The following MGMT variants were observed in gnomAD, a reference collection of about 807,000 sequenced individuals.
The protein encoded by MGMT is O-6-methylguanine-DNA methyltransferase, also known as methylated-DNA--protein-cysteine methyltransferase.
A neutral mutation model predicts 15.9 loss-of-function variants in MGMT; 14 were observed. That is an observed-to-expected ratio of 0.88 (90% CI 0.58 to 1.37). The LOEUF (loss-of-function observed/expected upper bound fraction) is 1.37, where lower values mean the gene tolerates loss of function less well. Among genes scored for constraint, MGMT ranks in the 40% most tolerant of loss-of-function variants. MGMT has a pLI of 0.00. For missense variants in MGMT, 282 were observed against 268.1 expected (o/e 1.05, Z -0.36); for synonymous variants, 130 against 118.2 (o/e 1.10, Z -0.65).
intron 2 of MGMT, among the ~76,000 whole-genome samples, chr10:129,571,780 C>T (rs1387458434): frequency 6.6e-6 from 1 of 152,020 alleles, no homozygotes; most frequent in Non-Finnish European, 1.5e-5. Flanking sequence ...ATTTGCTGGT[C>T]ATAATATGAA....
chr10:129,739,331 G>C (rs1343730073), intron 3 of MGMT, among the ~76,000 whole-genome samples: 1 of 152,108 alleles, frequency 6.6e-6, no homozygotes, highest in Non-Finnish European at 1.5e-5. Context: ...AGAAATAAAG[G>C]GTATTCAATT....
At chr10:129,552,747 C>T (rs1039216595) in intron 2 of MGMT, among the ~76,000 whole-genome samples, 2 of 152,242 alleles carry the variant, frequency 1.3e-5, no homozygotes, top group South Asian at 4.1e-4. Flanking sequence ...CGGTCCCCTT[C>T]TGCTGATGTC....
chr10:129,549,881 T>C (rs1200417302), intron 2 of MGMT, among the ~76,000 whole-genome samples: 1 of 152,192 alleles, frequency 6.6e-6, no homozygotes, highest in African/African-American at 2.4e-5. Context: ...TAAAATCCAT[T>C]TACAGTTTAT....
At position 129,756,703 on chromosome 10, in the gene MGMT, C is replaced by T. The variant is rs558378300; in HGVS notation, c.275-2499C>T. ...TAGGATGGTCTTGAACTCCTGACCT[C>T]GTGATCCGCCCGCCTCGGCCTCCCA... is the stretch of plus-strand genomic sequence containing the variant. On this transcript the variant is annotated intron_variant, in intron 3 of 4. Coordinates refer to ENST00000651593, the MANE Select transcript of MGMT (RefSeq NM_002412.5). 9.2e-5 allele frequency among the ~76,000 whole-genome samples: 14 copies of T among 152,188 alleles called. No homozygotes were observed. In the South Asian group the frequency reaches 1.9e-3, roughly 20 times the overall value.
chr10:129,731,172 G>T (rs7898151), intron 3 of MGMT, among the ~76,000 whole-genome samples: 3 of 151,800 alleles, frequency 2.0e-5, no homozygotes, highest in Non-Finnish European at 4.4e-5. Context: ...GGAGCCTACC[G>T]GGGCATTCCT....
At chr10:129,706,465 C>T (rs998455069) in intron 2 of MGMT, among the ~76,000 whole-genome samples, 3 of 152,140 alleles carry the variant, frequency 2.0e-5, no homozygotes, top group South Asian at 4.1e-4. Flanking sequence ...GAAGGGCCCG[C>T]GGGAGCTGTG....
chr10:129,527,299 G>GC (rs141188743), intron 1 of MGMT, among the ~76,000 whole-genome samples: 9,720 of 152,018 alleles, frequency 0.064, 448 homozygotes, highest in African/African-American at 0.12. Context: ...AGCTTTTGGA[G>GC]CCCCCCTTAG....
At chr10:129,494,527 G>A (rs1046746857) in intron 1 of MGMT, among the ~76,000 whole-genome samples, 3 of 152,210 alleles carry the variant, frequency 2.0e-5, no homozygotes, top group African/African-American at 7.2e-5. Context: ...ATTGGCCAGG[G>A]CTTTCCAACA....
At chr10:129,619,341 G>GTA (rs1267686688) in intron 2 of MGMT, among the ~76,000 whole-genome samples, 2 of 151,934 alleles carry the variant, frequency 1.3e-5, no homozygotes, top group East Asian at 3.9e-4. Context: ...ACATCTCTCT[G>GTA]TATATATATG....
At chr10:129,644,286 A>G (rs1220770931) in intron 2 of MGMT, among the ~76,000 whole-genome samples, 1 of 152,192 alleles carries the variant, frequency 6.6e-6, no homozygotes, top group Non-Finnish European at 1.5e-5. Flanking sequence ...ATTGAAGTAC[A>G]TTGAGTACAG....
chr10:129,619,195 TG>T (rs1351941068), intron 2 of MGMT, among the ~76,000 whole-genome samples: 1 of 152,200 alleles, frequency 6.6e-6, no homozygotes, highest in Non-Finnish European at 1.5e-5. Flanking sequence ...GGTGCCTTTT[TG>T]CATCTGTTGT....
rs551422168 is a variant in MGMT at position 129,542,852 on chromosome 10, G to A, written c.125+6475G>A. ...GTCGGTGAGGCCTGTCCACGCTGAC[G>A]GATGTTGCCTCCCGTTTCTGCCTGA... On this transcript the variant is annotated intron_variant, in intron 2 of 4. Transcript: ENST00000651593. Among the ~76,000 whole-genome samples, 43 of 152,304 alleles carry A rather than the reference G, an allele frequency of 2.8e-4. No homozygotes were observed. The South Asian group carries it at 3.1e-3, about 11-fold the overall frequency.
chr10:129,563,191 G>T (rs983550528), intron 2 of MGMT, among the ~76,000 whole-genome samples: 1 of 152,178 alleles, frequency 6.6e-6, no homozygotes, highest in African/African-American at 2.4e-5. Flanking sequence ...GTATCAGGAT[G>T]TAGCCCCATC....
At chr10:129,531,792 G>GT (rs1845935544) in intron 1 of MGMT, among the ~76,000 whole-genome samples, 1 of 144,660 alleles carries the variant, frequency 6.9e-6, no homozygotes, top group African/African-American at 2.5e-5. Flanking sequence ...GGGTGGGGGG[G>GT]GGTGGGGGTT....
intron 2 of MGMT, chr10:129,702,044 C>T (rs1438477596): frequency 6.6e-6 from 1 of 152,188 alleles, no homozygotes; most frequent in Non-Finnish European, 1.5e-5. Context: ...ATCTGCAAGG[C>T]AGTTCATCAC....
Position 129,732,357 on chromosome 10 carries a change from A to G in MGMT, c.274+24314A>G, listed in dbSNP as rs375364855. Among the ~76,000 whole-genome samples, 99 of 116,036 alleles carry G rather than the reference A, an allele frequency of 8.5e-4. 1 individual carries two copies. The East Asian group carries it at 0.015, about 18-fold the overall frequency. The allele number at this position is 116,036 out of a possible 152,430, so 76.1% of individuals were successfully genotyped here. Reference sequence around the variant, plus strand: ...GTGTGATGTTCCCTGCCCTGTGTCCATGTGTTCTCATTGTTCAGTTCCCAC... The same window carrying G: ...GTGTGATGTTCCCTGCCCTGTGTCCGTGTGTTCTCATTGTTCAGTTCCCAC... On this transcript the variant is annotated intron_variant, in intron 3 of 4. Coordinates refer to ENST00000651593, the MANE Select transcript of MGMT (RefSeq NM_002412.5).
rs943856654 is a variant in MGMT, at chr10:129,768,799, G to C, written c.*1802G>C. ...GGATGGATTTGAAGGAGGGTGGCTG[G>C]GCGGCACCCCGATGGCTCCCTGTGC... On this transcript the variant is annotated 3_prime_UTR_variant, in exon 5 of 5. Transcript: ENST00000651593. 1 of 152,454 alleles carries C rather than the reference G, an allele frequency of 6.6e-6. No homozygotes were observed. Among genetic ancestry groups the C allele is most frequent in the Non-Finnish European group, 1.5e-5 (1 of 68,214 alleles). The allele number at this position is 152,454 out of a possible 1,614,324, so 9.4% of individuals were successfully genotyped here. A position where few individuals can be genotyped will look rare whatever the true frequency, so the allele number is the denominator to read the frequency against.
intron 1 of MGMT, 93 bp from the exon 2 acceptor site, chr10:129,536,148 T>C (rs1845980933): frequency 7.3e-7 from 1 of 1,361,880 alleles, no homozygotes; most frequent in East Asian, 2.3e-5. Context: ...GGAATATATT[T>C]TGTGTCTTAA....
rs746058016 is a variant in MGMT at position 129,679,072 on chromosome 10, CA to C, written c.126-28809del. On this transcript the variant is annotated intron_variant, in intron 2 of 4. Transcript: ENST00000651593. ...TGGATGACAGACTGAGACTCCATCT[CA>C]AAAAAAAAAAAAAGAATCGTGATAT... is the stretch of plus-strand genomic sequence containing the variant. Among the ~76,000 whole-genome samples the C allele has an allele frequency of 2.0e-3, 230 of 117,530 alleles. 2 individuals carry two copies. Among genetic ancestry groups the C allele is most frequent in the African/African-American group, 1.9e-3 (60 of 31,146 alleles). The allele number at this position is 117,530 out of a possible 152,430, so 77.1% of individuals were successfully genotyped here.
Sources: gnomAD v4.1 joint callset for allele counts (sites outside exome capture counted in the v4.1 genomes callset) on GRCh38, gnomAD v4.1.1 for gene constraint, MANE v1.5 for transcripts, NCBI Gene and HGNC (gene_info 2026-07-23, HGNC 2026-07-21) for gene names.